Variants in FAR2 observed in about 807,000 individuals in gnomAD.
FAR2 encodes fatty acyl-CoA reductase 2, also known as epididymis secretory protein Li 81.
Under a neutral mutation model 56.0 loss-of-function variants are expected in FAR2, and 19 were observed. The ratio of observed to expected loss-of-function variants is 0.34; its 90% CI spans 0.24 to 0.50. The LOEUF is 0.50. Among genes scored for constraint, FAR2 ranks in the 20% least tolerant of loss-of-function variants. FAR2 has a pLI of 0.98. For missense variants in FAR2, 508 were observed against 642.2 expected (o/e 0.79, Z 2.26); for synonymous variants, 219 against 218.8 (o/e 1.00, Z -0.01).
intron 4 of FAR2, among the ~76,000 whole-genome samples, chr12:29,300,678 T>A (rs549697839): frequency 3.7e-4 from 56 of 152,092 alleles, no homozygotes; most frequent in Non-Finnish European, 7.6e-4. Context: ...CTTCAAGGGG[T>A]CTAGTGGCTG....
At chr12:29,327,858 T>G (rs1458765834) in intron 10 of FAR2, among the ~76,000 whole-genome samples, 1 of 151,910 alleles carries the variant, frequency 6.6e-6, no homozygotes, top group Non-Finnish European at 1.5e-5. Context: ...GGACTTCATG[T>G]CTAAAACACC....
intron 1 of FAR2, among the ~76,000 whole-genome samples, chr12:29,154,514 A>G (rs1014144935): frequency 9.2e-5 from 14 of 151,700 alleles, no homozygotes; most frequent in Non-Finnish European, 1.9e-4. Flanking sequence ...AGCTCACTGC[A>G]AGCTCCGCCT....
intron 1 of FAR2, among the ~76,000 whole-genome samples, chr12:29,233,974 A>C (rs1565481790): frequency 3.9e-5 from 6 of 152,114 alleles, no homozygotes; most frequent in Admixed American, 3.3e-4. Context: ...ACATTGCCCT[A>C]TTCTTATTTC....
intron 1 of FAR2, among the ~76,000 whole-genome samples, chr12:29,152,448 C>T (rs932571571): frequency 2.0e-5 from 3 of 152,210 alleles, no homozygotes; most frequent in African/African-American, 7.2e-5. Flanking sequence ...CCCTTAACTA[C>T]TCTCTGACCT....
At chr12:29,219,928 G>A (rs1225985489) in intron 1 of FAR2, among the ~76,000 whole-genome samples, 1 of 152,128 alleles carries the variant, frequency 6.6e-6, no homozygotes, top group Non-Finnish European at 1.5e-5. Context: ...CCCAGAATCT[G>A]AAGTGTTTTG....
At chr12:29,189,427 C>T (rs1320566325) in intron 1 of FAR2, among the ~76,000 whole-genome samples, 1 of 152,182 alleles carries the variant, frequency 6.6e-6, no homozygotes, top group Non-Finnish European at 1.5e-5. Flanking sequence ...TCTGCCACTA[C>T]AAGATGCTGT....
chr12:29,213,584 GGC>G (rs766850022), intron 1 of FAR2, among the ~76,000 whole-genome samples: 5 of 151,940 alleles, frequency 3.3e-5, no homozygotes, highest in African/African-American at 4.8e-5. Context: ...CAGCTACTCA[GGC>G]GGCTGAGGCA....
At chr12:29,285,603 A>C (rs2136734713) in intron 2 of FAR2, among the ~76,000 whole-genome samples, 1 of 152,126 alleles carries the variant, frequency 6.6e-6, no homozygotes, top group African/African-American at 2.4e-5. Context: ...AATCTCTTCC[A>C]ATCACATTAA....
At chr12:29,272,041 G>C (rs1387510214) in intron 2 of FAR2, among the ~76,000 whole-genome samples, 1 of 152,160 alleles carries the variant, frequency 6.6e-6, no homozygotes, top group African/African-American at 2.4e-5. Context: ...CCAAAACCTA[G>C]AATAAATTCC....
At chr12:29,325,494 T>A (rs1165448492) in intron 10 of FAR2, among the ~76,000 whole-genome samples, 1 of 152,170 alleles carries the variant, frequency 6.6e-6, no homozygotes, top group Non-Finnish European at 1.5e-5. Context: ...GACCACATAG[T>A]TGGAAGTAAA....
intron 1 of FAR2, among the ~76,000 whole-genome samples, chr12:29,266,296 G>A (rs891549529): frequency 1.3e-5 from 2 of 152,066 alleles, no homozygotes; most frequent in Admixed American, 6.6e-5. Context: ...AGAAAATGTG[G>A]TAAATATACA....
chr12:29,190,813 C>G (rs1242340626), intron 1 of FAR2, among the ~76,000 whole-genome samples: 1 of 152,154 alleles, frequency 6.6e-6, no homozygotes, highest in East Asian at 1.9e-4. Context: ...CATTTCCTCA[C>G]TGCTCTTGAG....
chr12:29,174,423 C>CTTTT (rs55827253), intron 1 of FAR2, among the ~76,000 whole-genome samples: 52 of 55,438 alleles, frequency 9.4e-4, no homozygotes, highest in Middle Eastern at 0.023. Context: ...GGTTTTTATT[C>CTTTT]TTTTTTTTTT....
intron 2 of FAR2, chr12:29,277,562 T>C (rs1948721235): frequency 6.6e-6 from 1 of 152,196 alleles, no homozygotes; most frequent in African/African-American, 2.4e-5. Flanking sequence ...CACATGTATA[T>C]TTAAGTATTT....
At chr12:29,169,339 G>A (rs955401492) in intron 1 of FAR2, among the ~76,000 whole-genome samples, 1 of 152,226 alleles carries the variant, frequency 6.6e-6, no homozygotes, top group African/African-American at 2.4e-5. Flanking sequence ...GTCCTTGGTA[G>A]AAGTTGTTAG....
In FAR2 at chr12:29,321,718, A is replaced by G. The variant is rs1219504077; in HGVS notation, c.1128-77A>G. 6 of 1,486,204 alleles carry G rather than the reference A, an allele frequency of 4.0e-6. No homozygotes were observed. The East Asian group carries it at 9.7e-5, about 24-fold the overall frequency. 92.1% of individuals were successfully genotyped at this position (1,486,204 alleles called of 1,614,324 possible). On this transcript the variant is annotated intron_variant, in intron 9 of 11. Transcript: ENST00000536681. ...GGATAATTTTTGTATTTTCTTAAAA[A>G]TAATTTCTCATACATCCCTGTAGAG...
chr12:29,274,653 C>T (rs908393471), intron 2 of FAR2, among the ~76,000 whole-genome samples: 1 of 151,986 alleles, frequency 6.6e-6, no homozygotes, highest in African/African-American at 2.4e-5. Context: ...CATTCCACCA[C>T]AAAAGATGTG....
intron 1 of FAR2, among the ~76,000 whole-genome samples, chr12:29,149,883 G>A (rs548472409): frequency 2.0e-5 from 3 of 152,236 alleles, no homozygotes; most frequent in Admixed American, 1.3e-4. Context: ...GTCCCCTCCC[G>A]GTGCCTGGGA....
chr12:29,197,262 A>G (rs1296451768), intron 1 of FAR2, among the ~76,000 whole-genome samples: 1 of 152,222 alleles, frequency 6.6e-6, no homozygotes, highest in Non-Finnish European at 1.5e-5. Flanking sequence ...ATGTTCATTT[A>G]GAGTTTCCAA....
Sources: allele counts gnomAD v4.1 joint callset (sites outside exome capture counted in the v4.1 genomes callset), GRCh38; gene constraint gnomAD v4.1.1; transcripts MANE v1.5; gene names NCBI Gene and HGNC (gene_info 2026-07-23, HGNC 2026-07-21).